Variants in NDUFS4 observed in about 807,000 individuals in gnomAD.
NDUFS4 encodes the protein NADH:ubiquinone oxidoreductase subunit S4, also known as NADH dehydrogenase [ubiquinone] iron-sulfur protein 4, mitochondrial.
In NDUFS4, 28 loss-of-function variants were observed where a neutral mutation model predicts 24.3. The observed-to-expected ratio is 1.15, with a 90% confidence interval of 0.85 to 1.58. The LOEUF is 1.58. Among genes scored for constraint, NDUFS4 ranks in the 40% most tolerant of loss-of-function variants. The probability of loss-of-function intolerance (pLI) is 0.00; values close to 1 mark genes in which losing one functional copy is unlikely to be tolerated. For synonymous variants in NDUFS4, 93 were observed against 69.7 expected, an observed-to-expected ratio of 1.34 and a Z score of -1.67; for missense variants, 223 against 207.9, an observed-to-expected ratio of 1.07 and a Z score of -0.45.
chr5:53,601,752 A>G (rs541278802), intron 1 of NDUFS4, among the ~76,000 whole-genome samples: 4 of 152,292 alleles, frequency 2.6e-5, no homozygotes, highest in African/African-American at 7.2e-5. Flanking sequence ...TGTCTCACCC[A>G]GGATGTGAAT....
chr5:53,582,928 G>T (rs1036176046), intron 1 of NDUFS4, among the ~76,000 whole-genome samples: 3 of 152,118 alleles, frequency 2.0e-5, no homozygotes, highest in Non-Finnish European at 4.4e-5. Context: ...TTGAGTCGGA[G>T]TCTCGCTCTG....
chr5:53,661,507 G>A (rs75686760), intron 4 of NDUFS4, among the ~76,000 whole-genome samples: 1 of 151,262 alleles, frequency 6.6e-6, no homozygotes, highest in East Asian at 2.0e-4. Flanking sequence ...TCCATATGAA[G>A]TTTAAAGTAG....
chr5:53,652,540 A>G (rs1752049231), intron 3 of NDUFS4, among the ~76,000 whole-genome samples: 1 of 152,192 alleles, frequency 6.6e-6, no homozygotes, highest in Non-Finnish European at 1.5e-5. Flanking sequence ...TTAAAAATAT[A>G]GTGAATACAT....
intron 2 of NDUFS4, among the ~76,000 whole-genome samples, chr5:53,627,154 G>A (rs939222663): frequency 2.6e-5 from 4 of 152,170 alleles, no homozygotes; most frequent in African/African-American, 9.6e-5. Context: ...TCCCCATTGC[G>A]TGTTTTTGTC....
intron 1 of NDUFS4, among the ~76,000 whole-genome samples, chr5:53,563,154 G>A (rs1189967638): frequency 6.6e-6 from 1 of 151,794 alleles, no homozygotes; most frequent in Non-Finnish European, 1.5e-5. Context: ...GCGTGAACCC[G>A]GGAGGCAGAG....
chr5:53,599,954 A>C (rs2112452732), intron 1 of NDUFS4, among the ~76,000 whole-genome samples: 1 of 152,158 alleles, frequency 6.6e-6, no homozygotes, highest in East Asian at 1.9e-4. Context: ...TCTAAAATTT[A>C]CTATAGATTA....
chr5:53,682,428 C>T (rs995194391), intron 4 of NDUFS4, among the ~76,000 whole-genome samples: 28 of 151,822 alleles, frequency 1.8e-4, no homozygotes, highest in Admixed American at 7.2e-4. Flanking sequence ...GTTTCCTGGG[C>T]CCCCACCAGA....
intron 4 of NDUFS4, among the ~76,000 whole-genome samples, chr5:53,675,551 TACAG>T (rs540953470): frequency 1.3e-5 from 2 of 152,194 alleles, no homozygotes; most frequent in South Asian, 4.1e-4. Flanking sequence ...CTTTTCTCTA[TACAG>T]ACATTGATAG....
At chr5:53,603,578 T>C in intron 2 of NDUFS4, 48 bp downstream of exon 2, 1 of 1,430,778 alleles carries the variant, frequency 7.0e-7, no homozygotes, top group Admixed American at 1.7e-5. Context: ...TTCAGGGTTA[T>C]TTTTGTACTA....
At position 53,568,597 on chromosome 5, in the gene NDUFS4, G is replaced by A. The variant is rs190065642; in HGVS notation, c.98+7837G>A. 3.0e-4 allele frequency among the ~76,000 whole-genome samples: 45 copies of A among 152,232 alleles called. 1 individual carries two copies. The highest frequency in any genetic ancestry group is 2.7e-3 in the South Asian group (13 of 4,824). On this transcript the variant is annotated intron_variant, in intron 1 of 4. Transcript: ENST00000296684. ...GAAAAAAGGCATTTTGATAATTTTG[G>A]AGAAAGCAGGCCATATTACTCTCTC...
Position 53,663,728 on chromosome 5 carries a change from C to G in NDUFS4, c.424+5104C>G, listed in dbSNP as rs536374095. Among the ~76,000 whole-genome samples the G allele has an allele frequency of 3.3e-5, 5 of 152,230 alleles. No individual in the cohort carries two copies. The South Asian group carries it at 1.0e-3, about 32-fold the overall frequency. On this transcript the variant is annotated intron_variant, in intron 4 of 4. Coordinates refer to ENST00000296684, the MANE Select transcript of NDUFS4 (RefSeq NM_002495.4). The stretch of plus-strand genomic sequence containing the variant: ...CTTTATTTTGAGCCTATGTGTGTCT[C>G]TGCTCATGAGATGGGTTTCCTGAAT...
intron 1 of NDUFS4, among the ~76,000 whole-genome samples, chr5:53,597,004 C>T (rs1750152396): frequency 6.6e-6 from 1 of 152,176 alleles, no homozygotes; most frequent in Non-Finnish European, 1.5e-5. Context: ...CTTAAAACAA[C>T]AGTAGTCTTC....
chr5:53,627,242 A>C (rs577830549), intron 2 of NDUFS4, among the ~76,000 whole-genome samples: 2 of 152,050 alleles, frequency 1.3e-5, no homozygotes, highest in East Asian at 3.9e-4. Context: ...TGGTCTATAT[A>C]TCTGTTTTGG....
At chr5:53,680,738 T>TAATA (rs1245524172) in intron 4 of NDUFS4, among the ~76,000 whole-genome samples, 6 of 152,100 alleles carry the variant, frequency 3.9e-5, no homozygotes, top group Non-Finnish European at 8.8e-5. Flanking sequence ...GAGATATACC[T>TAATA]AATACTAAAT....
chr5:53,645,703 A>G (rs1439095069), intron 2 of NDUFS4, among the ~76,000 whole-genome samples: 2 of 152,206 alleles, frequency 1.3e-5, no homozygotes, highest in Admixed American at 6.5e-5. Context: ...AAAGTTGTTA[A>G]ATTTACAACT....
intron 1 of NDUFS4, among the ~76,000 whole-genome samples, chr5:53,586,470 C>CT (rs1166865020): frequency 6.6e-6 from 1 of 151,942 alleles, no homozygotes; most frequent in Non-Finnish European, 1.5e-5. Flanking sequence ...GCAAACTTTA[C>CT]TGTAGTTGTT....
chr5:53,594,642 GA>G (rs1750075654), intron 1 of NDUFS4, among the ~76,000 whole-genome samples: 1 of 151,922 alleles, frequency 6.6e-6, no homozygotes, highest in African/African-American at 2.4e-5. Context: ...GTATCCTACA[GA>G]TTAGTCTTTT....
chr5:53,679,409 T>TTTATG (rs1371408813), intron 4 of NDUFS4, among the ~76,000 whole-genome samples: 1 of 152,168 alleles, frequency 6.6e-6, no homozygotes, highest in African/African-American at 2.4e-5. Context: ...GATACTTCTA[T>TTTATG]TTATGTTGTT....
chr5:53,677,484 T>C (rs903821430), intron 4 of NDUFS4, among the ~76,000 whole-genome samples: 1 of 152,182 alleles, frequency 6.6e-6, no homozygotes, highest in African/African-American at 2.4e-5. Flanking sequence ...CTAGGATACT[T>C]TTACATTATT....
Sources: gnomAD v4.1 joint callset for allele counts (sites outside exome capture counted in the v4.1 genomes callset) on GRCh38, gnomAD v4.1.1 for gene constraint, MANE v1.5 for transcripts, NCBI Gene and HGNC (gene_info 2026-07-23, HGNC 2026-07-21) for gene names.